The following AFG2A variants were observed in gnomAD, a reference collection of about 807,000 sequenced individuals.
AFG2A encodes the protein AAA ATPase AFG2A.
At chr4:123,047,310 G>A in the AFG2A span, among the ~76,000 whole-genome samples, 11 of 152,228 alleles carry the variant, frequency 7.2e-5, 1 homozygote, top group South Asian at 1.9e-3. Context: ...TAAGATAAGA[G>A]ATCATTGTGG....
At chr4:123,244,783 G>C in the AFG2A span, among the ~76,000 whole-genome samples, 1 of 152,176 alleles carries the variant, frequency 6.6e-6, no homozygotes, top group Non-Finnish European at 1.5e-5. Flanking sequence ...GGTACCACCT[G>C]CTGTCTTATA....
chr4:123,249,980 G>A, the AFG2A span, among the ~76,000 whole-genome samples: 1 of 152,062 alleles, frequency 6.6e-6, no homozygotes, highest in Non-Finnish European at 1.5e-5. Flanking sequence ...ATGATTCATT[G>A]ATATGTTTTT....
At chr4:123,138,106 T>C in the AFG2A span, among the ~76,000 whole-genome samples, 13 of 152,346 alleles carry the variant, frequency 8.5e-5, no homozygotes, top group South Asian at 1.4e-3. Context: ...TTTTATTCTA[T>C]ATTAATTTCA....
At chr4:123,197,213 AG>A in the AFG2A span, among the ~76,000 whole-genome samples, 4 of 152,346 alleles carry the variant, frequency 2.6e-5, no homozygotes, top group Non-Finnish European at 5.9e-5. Context: ...GGGGGACATT[AG>A]TCTTCTTATT....
the AFG2A span, among the ~76,000 whole-genome samples, chr4:122,970,527 A>G: frequency 1.3e-5 from 2 of 150,434 alleles, no homozygotes; most frequent in East Asian, 3.9e-4. Flanking sequence ...GCTGGAGTGC[A>G]GTGGCACGAT....
chr4:122,975,669 G>A, the AFG2A span, among the ~76,000 whole-genome samples: 1 of 152,082 alleles, frequency 6.6e-6, no homozygotes, highest in Non-Finnish European at 1.5e-5. Context: ...GCCTTGAATT[G>A]TAGAACCTGA....
the AFG2A span, among the ~76,000 whole-genome samples, chr4:123,294,680 G>A: frequency 1.3e-5 from 2 of 152,128 alleles, no homozygotes; most frequent in African/African-American, 4.8e-5. Context: ...AAATCAAGAT[G>A]ACACATCTAA....
At chr4:123,312,118 T>C in the AFG2A span, among the ~76,000 whole-genome samples, 2 of 152,200 alleles carry the variant, frequency 1.3e-5, no homozygotes, top group Admixed American at 1.3e-4. Flanking sequence ...ATACCCCTAT[T>C]AGCAAGATCA....
At chr4:122,996,113 C>T in the AFG2A span, among the ~76,000 whole-genome samples, 9,540 of 152,232 alleles carry the variant, frequency 0.063, 522 homozygotes, top group African/African-American at 0.14. Flanking sequence ...GCTCATTAGC[C>T]TCCTTTTCCA....
chr4:123,031,967 T>C, the AFG2A span, among the ~76,000 whole-genome samples: 2 of 152,200 alleles, frequency 1.3e-5, no homozygotes, highest in African/African-American at 4.8e-5. Flanking sequence ...GACAGTTACG[T>C]AAAATACTTT....
chr4:123,281,713 T>C, the AFG2A span, among the ~76,000 whole-genome samples: 121 of 150,804 alleles, frequency 8.0e-4, no homozygotes, highest in Middle Eastern at 3.4e-3. Flanking sequence ...GGTGAATGGA[T>C]GAATAAACTT....
the AFG2A span, among the ~76,000 whole-genome samples, chr4:123,284,161 C>T: frequency 6.6e-6 from 1 of 152,138 alleles, no homozygotes; most frequent in Admixed American, 6.6e-5. Context: ...TGCCCTTTTC[C>T]CAAAATATTT....
the AFG2A span, among the ~76,000 whole-genome samples, chr4:123,070,187 T>G: frequency 6.6e-6 from 1 of 152,204 alleles, no homozygotes; most frequent in African/African-American, 2.4e-5. Context: ...ATTTATAACT[T>G]TAAAAGATTT....
chr4:123,225,181 A>G, the AFG2A span, among the ~76,000 whole-genome samples: 3 of 152,104 alleles, frequency 2.0e-5, no homozygotes, highest in African/African-American at 4.8e-5. Context: ...CGCTGATGGT[A>G]GTTTCTTTTG....
the AFG2A span, among the ~76,000 whole-genome samples, chr4:123,023,452 A>G: frequency 6.6e-6 from 1 of 152,214 alleles, no homozygotes; most frequent in Admixed American, 6.5e-5. Context: ...ATTGAGAGAA[A>G]GAACTTCCTC....
chr4:123,047,173 A>G, the AFG2A span, among the ~76,000 whole-genome samples: 1 of 152,134 alleles, frequency 6.6e-6, no homozygotes, highest in African/African-American at 2.4e-5. Flanking sequence ...GAACCTCCCC[A>G]CTGCTTTCCG....
chr4:123,176,816 T>C, the AFG2A span, among the ~76,000 whole-genome samples: 1 of 150,972 alleles, frequency 6.6e-6, no homozygotes, highest in Non-Finnish European at 1.5e-5. Flanking sequence ...CAGCATCTTA[T>C]CTATATTTAC....
chr4:122,946,654 C>G, the AFG2A span, among the ~76,000 whole-genome samples: 5 of 151,974 alleles, frequency 3.3e-5, no homozygotes, highest in South Asian at 1.0e-3. Flanking sequence ...ATTTCATTTT[C>G]AGAGAGTAAA....
At chr4:123,051,558 G>A in the AFG2A span, among the ~76,000 whole-genome samples, 2 of 148,688 alleles carry the variant, frequency 1.3e-5, no homozygotes, top group African/African-American at 2.5e-5. Context: ...TAACAATAAC[G>A]TTAATGTTCT....
Sources: allele counts gnomAD v4.1 joint callset (sites outside exome capture counted in the v4.1 genomes callset), GRCh38; gene constraint gnomAD v4.1.1; transcripts MANE v1.5; gene names NCBI Gene and HGNC (gene_info 2026-07-23, HGNC 2026-07-21).